The following ENPP1 variants were observed in gnomAD, a reference collection of about 807,000 sequenced individuals.
The protein encoded by ENPP1 is ectonucleotide pyrophosphatase/phosphodiesterase family member 1.
In ENPP1, 73 loss-of-function variants were observed where a neutral mutation model predicts 122.8. That is an observed-to-expected ratio of 0.59 (90% confidence interval 0.49 to 0.72). The LOEUF (loss-of-function observed/expected upper bound fraction) is 0.72. Ranked by LOEUF, ENPP1 falls within the 30% of genes least tolerant of loss-of-function variation. The pLI, the probability that ENPP1 is intolerant of heterozygous loss-of-function variation, is 0.00. For missense variants in ENPP1, 978 were observed against 1,128.1 expected (o/e 0.87, Z 1.91); for synonymous variants, 367 against 391.6 (o/e 0.94, Z 0.74).
rs547209890 is a variant in ENPP1, at chr6:131,820,039, C to A, written c.240+11764C>A. 35 of 551,798 alleles carry A rather than the reference C, an allele frequency of 6.3e-5. No individual in the cohort carries two copies. In the East Asian group the frequency reaches 1.5e-3, roughly 23 times the overall value. The allele number at this position is 551,798 out of a possible 1,614,324, so 34.2% of individuals were successfully genotyped here. A position where few individuals can be genotyped will look rare whatever the true frequency, so the allele number is the denominator to read the frequency against. On this transcript the variant is annotated intron_variant, in intron 1 of 24. Transcript: ENST00000647893. ...GAAATCTGTTATCAAAGATAATCTC[C>A]ATGGAGACTGACTCCAGCTGTCCAG...
intron 1 of ENPP1, among the ~76,000 whole-genome samples, chr6:131,825,583 T>G (rs1470606675): frequency 1.3e-5 from 2 of 152,188 alleles, no homozygotes; most frequent in Non-Finnish European, 2.9e-5. Context: ...GGATAGCATG[T>G]AAAAATTGTG....
rs548952721 is a variant in ENPP1 at position 131,823,659 on chromosome 6, C to A, written c.240+15384C>A. Reference sequence around the variant, plus strand: ...CAAGACCCAACTCAATGTGTCCTCTCAAATGAAACATTCTTTAGATGCTCT... The same window carrying A: ...CAAGACCCAACTCAATGTGTCCTCTAAAATGAAACATTCTTTAGATGCTCT... On this transcript the variant is annotated intron_variant, in intron 1 of 24. Coordinates refer to ENST00000647893, the MANE Select transcript of ENPP1 (RefSeq NM_006208.3). Among the ~76,000 whole-genome samples the A allele has an allele frequency of 8.6e-5, 13 of 151,852 alleles. No individual in the cohort carries two copies. In the East Asian group the frequency reaches 2.5e-3, roughly 29 times the overall value.
intron 7 of ENPP1, 21 bp from the exon 8 acceptor site, chr6:131,860,366 A>AAT: frequency 1.3e-6 from 2 of 1,574,584 alleles, no homozygotes; most frequent in East Asian, 4.5e-5. Context: ...ACTTGCATAT[A>AAT]ATCTGTTTTA....
chr6:131,870,273 A>T (rs1782145030), intron 13 of ENPP1, among the ~76,000 whole-genome samples: 1 of 152,230 alleles, frequency 6.6e-6, no homozygotes, highest in South Asian at 2.1e-4. Context: ...TCCTCCCTTA[A>T]ACCATTTCAG....
chr6:131,876,877 T>A, intron 17 of ENPP1, 115 bp from the exon 18 acceptor site: 1 of 897,396 alleles, frequency 1.1e-6, no homozygotes, highest in Non-Finnish European at 1.8e-6. Flanking sequence ...TTTATTTTAG[T>A]TAAAGAGTAA....
Position 131,890,738 on chromosome 6 carries a change from C to T in ENPP1, c.*227C>T, listed in dbSNP as rs1782458534. The T allele has an allele frequency of 3.6e-6, 2 of 551,500 alleles. No homozygotes were observed. Among genetic ancestry groups the T allele is most frequent in the Non-Finnish European group, 6.5e-6 (2 of 308,786 alleles). 34.2% of individuals were successfully genotyped at this position (551,500 alleles called of 1,614,324 possible). A position where few individuals can be genotyped will look rare whatever the true frequency, so the allele number is the denominator to read the frequency against. On this transcript the variant is annotated 3_prime_UTR_variant, in exon 25 of 25. Coordinates refer to ENST00000647893, the MANE Select transcript of ENPP1 (RefSeq NM_006208.3). ...ATGTGTAAGCATTGTATACATTGAT[C>T]AAGTTCGGGGGAATAAAGACAGACC...
intron 16 of ENPP1, among the ~76,000 whole-genome samples, chr6:131,874,754 GCAC>G (rs1365895561): frequency 1.3e-5 from 2 of 151,940 alleles, no homozygotes; most frequent in East Asian, 3.9e-4. Context: ...GTTTATCGCA[GCAC>G]TATTCACAGA....
intron 1 of ENPP1, chr6:131,827,625 G>T: frequency 3.3e-6 from 2 of 598,638 alleles, no homozygotes; most frequent in South Asian, 3.5e-5. Flanking sequence ...AAATGACTTT[G>T]ACTATTATCT....
chr6:131,835,760 C>G (rs926604788), intron 1 of ENPP1, among the ~76,000 whole-genome samples: 2 of 152,062 alleles, frequency 1.3e-5, no homozygotes, highest in African/African-American at 2.4e-5. Context: ...TTGTTCCCCC[C>G]TCATGTGTCC....
At chr6:131,846,487 T>TC (rs925725988) in intron 1 of ENPP1, among the ~76,000 whole-genome samples, 3 of 151,746 alleles carry the variant, frequency 2.0e-5, no homozygotes, top group Non-Finnish European at 4.4e-5. Context: ...CGCCATCATT[T>TC]CCCCCCCATT....
chr6:131,886,855 T>C (rs1782384948), intron 24 of ENPP1, 131 bp downstream of exon 24: 1 of 650,006 alleles, frequency 1.5e-6, no homozygotes, highest in South Asian at 2.4e-5. Context: ...AATTATAGGA[T>C]GCTTTTAAAT....
intron 2 of ENPP1, among the ~76,000 whole-genome samples, chr6:131,849,756 TC>T (rs1387938237): frequency 2.6e-5 from 4 of 152,230 alleles, no homozygotes; most frequent in Admixed American, 1.3e-4. Context: ...AAGTTATCTT[TC>T]TTTCCTACAT....
chr6:131,886,135 TC>T (rs1782374273), intron 23 of ENPP1, among the ~76,000 whole-genome samples: 1 of 152,226 alleles, frequency 6.6e-6, no homozygotes, highest in Non-Finnish European at 1.5e-5. Flanking sequence ...CAACATGTCC[TC>T]TCTGAAGGGG....
chr6:131,849,148 A>G (rs76762132), intron 2 of ENPP1, among the ~76,000 whole-genome samples: 6 of 152,260 alleles, frequency 3.9e-5, no homozygotes, highest in Non-Finnish European at 8.8e-5. Context: ...CATGAAAAGT[A>G]CTTTCCTCCC....
chr6:131,877,045 C>T lies in ENPP1; in HGVS notation c.1777C>T (p.His593Tyr). 1 of 1,614,024 alleles carries T rather than the reference C, an allele frequency of 6.2e-7. No homozygotes were observed. The highest frequency in any genetic ancestry group is 8.5e-7 in the Non-Finnish European group (1 of 1,179,942). ...TAACGGAACTCATGGAAGTCTTAAC[C>T]ACCTTCTAAAGAATCCTGTTTATAC... ...PNNGTHGSLN[H>Y]LLKNPVYTPK... is the part of the protein sequence containing the mutation. The change falls in exon 18 of 25, where the codon CAC (histidine) becomes TAC (tyrosine). Residue 593 changes from histidine (H) to tyrosine (Y), a missense_variant. This residue lies in a region of ENPP1 where 644 missense variants were observed against 781.5 expected (regional missense o/e 0.82). Coordinates refer to ENST00000647893, the MANE Select transcript of ENPP1 (RefSeq NM_006208.3).
intron 1 of ENPP1, among the ~76,000 whole-genome samples, chr6:131,817,784 C>CACACACAT (rs1202926116): frequency 6.6e-6 from 1 of 151,278 alleles, no homozygotes. Flanking sequence ...CACACACACA[C>CACACACAT]ACGTGTGTAT....
intron 1 of ENPP1, chr6:131,827,680 A>G (rs541822703): frequency 7.7e-6 from 5 of 651,368 alleles, no homozygotes; most frequent in Admixed American, 4.1e-5. Flanking sequence ...CTCTACGTGC[A>G]TGCGGAATCT....
intron 13 of ENPP1, 152 bp downstream of exon 13, chr6:131,869,641 C>T: frequency 2.9e-6 from 2 of 686,260 alleles, no homozygotes; most frequent in South Asian, 3.1e-5. Context: ...CCAGCCTGGC[C>T]AACATGGTGA....
intron 11 of ENPP1, among the ~76,000 whole-genome samples, chr6:131,866,045 C>A (rs1782086829): frequency 6.6e-6 from 1 of 151,104 alleles, no homozygotes; most frequent in Non-Finnish European, 1.5e-5. Context: ...TTTCCTTGTA[C>A]CTCTAAGTTG....
Sources: allele counts gnomAD v4.1 joint callset (sites outside exome capture counted in the v4.1 genomes callset), GRCh38; gene constraint gnomAD v4.1.1; regional missense constraint gnomAD v4.1.1; transcripts MANE v1.5; gene names NCBI Gene and HGNC (gene_info 2026-07-23, HGNC 2026-07-21).